Variants in UMODL1 observed in about 807,000 individuals in gnomAD.
UMODL1 encodes the protein uromodulin-like 1.
UMODL1 carries 128 observed loss-of-function variants against 136.3 expected under a neutral mutation model. That is an observed-to-expected ratio of 0.94 (90% confidence interval 0.81 to 1.09). The LOEUF (loss-of-function observed/expected upper bound fraction) is 1.09. Ranked by LOEUF, UMODL1 falls within the 50% of genes least tolerant of loss-of-function variation. The pLI is 0.00. For missense variants in UMODL1, 1,766 were observed against 1,725.6 expected, an observed-to-expected ratio of 1.02 and a Z score of -0.41; for synonymous variants, 721 against 720.0, an observed-to-expected ratio of 1.00 and a Z score of -0.02.
chr21:42,075,725 G>A (rs2066282376), intron 1 of UMODL1, among the ~76,000 whole-genome samples: 1 of 152,240 alleles, frequency 6.6e-6, no homozygotes, highest in African/African-American at 2.4e-5. Flanking sequence ...GGAAGCATGC[G>A]TGGGGCCCAG....
chr21:42,095,579 C>T lies in UMODL1; in HGVS notation c.932-3347C>T, dbSNP rs528320761. 2.0e-5 allele frequency among the ~76,000 whole-genome samples: 3 copies of T among 152,320 alleles called. No homozygotes were observed. The South Asian group carries it at 6.2e-4, about 32-fold the overall frequency. On this transcript the variant is annotated intron_variant, in intron 6 of 22. Transcript: ENST00000408910. ...ATTATCTTTCCATCTGAAGATACTT[C>T]ACTGAATCACATCTGCAAAGATTCC...
At chr21:42,073,212 TAAG>T (rs1333961387) in intron 1 of UMODL1, among the ~76,000 whole-genome samples, 1 of 152,206 alleles carries the variant, frequency 6.6e-6, no homozygotes, top group African/African-American at 2.4e-5. Flanking sequence ...TCCACTCTGC[TAAG>T]TTCTTGGTGC....
chr21:42,096,897 G>A (rs979382450), intron 6 of UMODL1, among the ~76,000 whole-genome samples: 5 of 152,144 alleles, frequency 3.3e-5, no homozygotes, highest in South Asian at 2.1e-4. Flanking sequence ...ATTGTAGCCC[G>A]CCCTTCCTTT....
intron 2 of UMODL1, among the ~76,000 whole-genome samples, chr21:42,080,263 C>T (rs917523666): frequency 2.6e-5 from 4 of 152,314 alleles, no homozygotes; most frequent in South Asian, 2.1e-4. Flanking sequence ...CTGATTTGTA[C>T]AGAACGAAGC....
Position 42,127,213 on chromosome 21 carries a change from C to T in UMODL1, c.3501C>T (p.Asp1167=). The T allele has an allele frequency of 6.2e-7, 1 of 1,614,012 alleles. No homozygotes were observed. The highest frequency in any genetic ancestry group is 8.5e-7 in the Non-Finnish European group (1 of 1,180,022). Residue 1167 remains aspartate, a synonymous_variant, in exon 19 of 23, where the codon GAC becomes GAT. Coordinates refer to ENST00000408910, the MANE Select transcript of UMODL1 (RefSeq NM_001004416.3). ...CAACCCCGTCTAGCAACGCCCGGGA[C>T]CCCATCACCTTCAGCTTCATTAACA... The part of the protein sequence containing the change: ...CWATPSSNAR[D]PITFSFINNS...
At chr21:42,131,309 G>C (rs1052626734) in intron 21 of UMODL1, among the ~76,000 whole-genome samples, 1 of 152,196 alleles carries the variant, frequency 6.6e-6, no homozygotes, top group Non-Finnish European at 1.5e-5. Context: ...TTTGGATGCA[G>C]GGTGTGAGCC....
intron 2 of UMODL1, among the ~76,000 whole-genome samples, chr21:42,081,946 C>T (rs1402955439): frequency 6.6e-6 from 1 of 152,232 alleles, no homozygotes; most frequent in Non-Finnish European, 1.5e-5. Context: ...CAAGCCTCCA[C>T]CAGGCTCCTG....
At chr21:42,104,417 CTTTTTTTCTTTTCT>C (rs1433169517) in intron 9 of UMODL1, among the ~76,000 whole-genome samples, 22 of 145,074 alleles carry the variant, frequency 1.5e-4, no homozygotes, top group East Asian at 4.0e-4. Context: ...TATTTCTTTT[CTTTTTTTCTTTTCT>C]TTTTTTTCTT....
chr21:42,132,530 CCATCCATCCATCTATT>C (rs1054416231), intron 21 of UMODL1, among the ~76,000 whole-genome samples: 12 of 151,804 alleles, frequency 7.9e-5, no homozygotes, highest in African/African-American at 2.9e-4. Context: ...CTTCATTCAT[CCATCCATCCATCTATT>C]CATCCATCCA....
Position 42,099,241 on chromosome 21 carries a change from G to A in UMODL1, c.1186+61G>A. 6.3e-7 allele frequency: 1 copy of A among 1,583,792 alleles called. No homozygotes were observed. Among genetic ancestry groups the A allele is most frequent in the Non-Finnish European group, 8.6e-7 (1 of 1,163,568 alleles). On this transcript the variant is annotated intron_variant, in intron 7 of 22. Transcript: ENST00000408910. The surrounding 1 kb of genome is among the most constrained non-coding windows in gnomAD (Gnocchi z 4.1). ...GAGCTTGTCTTTCTATCCCAGGTCT[G>A]TGGCCCTAGCATGTCGCGTTCTTCT...
In UMODL1 at chr21:42,123,740, G is replaced by A. The variant is rs2067012661; in HGVS notation, c.3147+590G>A. Among the ~76,000 whole-genome samples, 3 of 152,118 alleles carry A rather than the reference G, an allele frequency of 2.0e-5. No homozygotes were observed. In the South Asian group the frequency reaches 6.2e-4, roughly 32 times the overall value. On this transcript the variant is annotated intron_variant, in intron 17 of 22. Transcript: ENST00000408910. This position sits in a 1 kb window ranked among gnomAD's most constrained non-coding sequence, Gnocchi z 4.4. ...TGAGAATGTGTCTATGTGCATGTGT[G>A]CATGTGTGCGTGAGTTGAGCATGTG...
At chr21:42,121,505 A>G (rs1476221068) in intron 16 of UMODL1, among the ~76,000 whole-genome samples, 5 of 152,216 alleles carry the variant, frequency 3.3e-5, no homozygotes, top group Non-Finnish European at 7.3e-5. Flanking sequence ...CATGGAGAGA[A>G]AATATACACA....
At chr21:42,126,218 C>G (rs192200118) in intron 17 of UMODL1, 127 bp from the exon 18 acceptor site, 1 of 1,375,648 alleles carries the variant, frequency 7.3e-7, no homozygotes. Flanking sequence ...GCCAGGATCT[C>G]GATGCTGCTG....
intron 6 of UMODL1, among the ~76,000 whole-genome samples, chr21:42,095,106 T>TTTTTTTTTTTTTTTTTTTG (rs1569151288): frequency 7.4e-6 from 1 of 135,414 alleles, no homozygotes. Flanking sequence ...TTTTTTTTTT[T>TTTTTTTTTTTTTTTTTTTG]TTTTTTGAGA....
At chr21:42,080,516 G>A (rs2066349866) in intron 2 of UMODL1, among the ~76,000 whole-genome samples, 2 of 152,212 alleles carry the variant, frequency 1.3e-5, no homozygotes, top group African/African-American at 4.8e-5. Flanking sequence ...AAAGGGAACG[G>A]AAGCATGGAC....
chr21:42,068,389 A>G (rs75103654), upstream of UMODL1, among the ~76,000 whole-genome samples: 1,027 of 152,220 alleles, frequency 6.7e-3, 11 homozygotes, highest in African/African-American at 0.023. This position sits in a 1 kb window ranked among gnomAD's most constrained non-coding sequence, Gnocchi z 5.5. Context: ...ACACCCCGAG[A>G]AACAGGGTGT....
chr21:42,137,299 C>A, intron 21 of UMODL1, 140 bp from the exon 22 acceptor site: 1 of 1,081,076 alleles, frequency 9.3e-7, no homozygotes, highest in Non-Finnish European at 1.4e-6. Flanking sequence ...TTTGGTAACC[C>A]ACAGGCACAC....
intron 8 of UMODL1, 153 bp downstream of exon 8, chr21:42,102,431 A>G (rs2066648103): frequency 1.8e-6 from 1 of 560,570 alleles, no homozygotes; most frequent in South Asian, 2.3e-5. Flanking sequence ...CAAATCGCAC[A>G]GTGATTAGTC....
intron 9 of UMODL1, among the ~76,000 whole-genome samples, chr21:42,105,072 G>A (rs2146485459): frequency 6.6e-6 from 1 of 152,326 alleles, no homozygotes; most frequent in East Asian, 1.9e-4. Flanking sequence ...CCCCCACCAG[G>A]AGGTGCCGGG....
Sources: allele counts gnomAD v4.1 joint callset (sites outside exome capture counted in the v4.1 genomes callset), GRCh38; gene constraint gnomAD v4.1.1; non-coding constraint Gnocchi (gnomAD v3.1); transcripts MANE v1.5; gene names NCBI Gene and HGNC (gene_info 2026-07-23, HGNC 2026-07-21).